The following GMNC variants were observed in gnomAD, a reference collection of about 807,000 sequenced individuals.
GMNC encodes geminin coiled-coil domain-containing protein 1.
Under a neutral mutation model 33.6 loss-of-function variants are expected in GMNC, and 16 were observed. The observed-to-expected ratio is 0.48, with a 90% CI of 0.32 to 0.72. The LOEUF (loss-of-function observed/expected upper bound fraction) is 0.72, where lower values mean the gene tolerates loss of function less well. GMNC is among the 30% of genes least tolerant of loss of function. The pLI is 0.03. For synonymous variants in GMNC, 156 were observed against 147.3 expected (o/e 1.06, Z -0.43); for missense variants, 393 against 388.9 (o/e 1.01, Z -0.09).
intron 4 of GMNC, among the ~76,000 whole-genome samples, chr3:190,856,350 AAT>A (rs920422384): frequency 7.2e-6 from 1 of 138,330 alleles, no homozygotes; most frequent in African/African-American, 2.7e-5. Context: ...AATATTTATT[AAT>A]ATATATTTAT....
chr3:190,857,893 C>G lies in GMNC; in HGVS notation c.274G>C (p.Asp92His), dbSNP rs1737782484. The change falls in exon 4 of 5, where the codon GAT (aspartate) becomes CAT (histidine). Residue 92 changes from aspartate to histidine, a missense_variant. Coordinates refer to ENST00000442080, the MANE Select transcript of GMNC (RefSeq NM_001146686.3). ...SQLYRNKQLQ[D>H]TLVQKEEELA... The stretch of plus-strand genomic sequence containing the variant: ...TCTTCTTCCTTCTGCACCAGGGTAT[C>G]TTGCAGCTACAAAAAGCAGACAGTG... 5 of 1,536,608 alleles carry G rather than the reference C, an allele frequency of 3.3e-6. No homozygotes were observed. The African/African-American group carries it at 6.9e-5, about 21-fold the overall frequency.
At chr3:190,848,583 C>G (rs1560034241), downstream of GMNC, among the ~76,000 whole-genome samples, 1 of 152,196 alleles carries the variant, frequency 6.6e-6, no homozygotes, top group African/African-American at 2.4e-5. Context: ...AAAAATATCT[C>G]TAACTGATTT....
In GMNC at chr3:190,860,714, T is replaced by C; in HGVS notation, c.148A>G (p.Arg50Gly). The change falls in exon 2 of 5, where the codon AGA becomes GGA. Residue 50 changes from arginine (R) to glycine (G), a missense_variant. Transcript: ENST00000442080. ...SFWAAGLLDN[R>G]ELQQAPQAQE... ...GCCTGTGGTGCTTGTTGGAGCTCTC[T>C]GTTGTCCAGGAGACCAGCAGCCCAG... is the stretch of plus-strand genomic sequence containing the variant. 6.4e-7 allele frequency: 1 copy of C among 1,551,308 alleles called. No individual in the cohort carries two copies. Among genetic ancestry groups the C allele is most frequent in the South Asian group, 1.2e-5 (1 of 84,036 alleles).
chr3:190,845,679 T>C, the GMNC span, among the ~76,000 whole-genome samples: 1 of 151,800 alleles, frequency 6.6e-6, no homozygotes, highest in Admixed American at 6.6e-5. Context: ...CTGGCTAATT[T>C]TTGTATTTTT....
At chr3:190,848,178 G>A (rs550863571), downstream of GMNC, among the ~76,000 whole-genome samples, 1 of 152,128 alleles carries the variant, frequency 6.6e-6, no homozygotes, top group African/African-American at 2.4e-5. Context: ...TGACTCTTTT[G>A]GATTTGATAT....
chr3:190,849,289 C>T (rs1330761217), downstream of GMNC, among the ~76,000 whole-genome samples: 1 of 152,168 alleles, frequency 6.6e-6, no homozygotes, highest in Non-Finnish European at 1.5e-5. Flanking sequence ...GGGGTGCACA[C>T]ACGGCTCTAT....
In GMNC at chr3:190,860,675, A is replaced by G. The variant is rs544071700; in HGVS notation, c.178+9T>C. Reference sequence around the variant, plus strand: ...AGATCTATCAGGGAAGCAGAAGAGCAGAACTTACCCTGTGCCTGTGGTGCT... The same window carrying G: ...AGATCTATCAGGGAAGCAGAAGAGCGGAACTTACCCTGTGCCTGTGGTGCT... On this transcript the variant is annotated intron_variant, in intron 2 of 4. Transcript: ENST00000442080. 3 of 1,544,560 alleles carry G rather than the reference A, an allele frequency of 1.9e-6. No individual in the cohort carries two copies. The highest frequency in any genetic ancestry group is 2.4e-5 in the South Asian group (2 of 83,332).
rs1336153245 is a variant in GMNC, at chr3:190,861,445, G to GCCTATCA, written c.4-588_4-587insTGATAGG. Among the ~76,000 whole-genome samples the GCCTATCA allele has an allele frequency of 6.7e-6, 1 of 149,420 alleles. No homozygotes were observed. The highest frequency in any genetic ancestry group is 6.7e-5 in the Admixed American group (1 of 14,816). On this transcript the variant is annotated intron_variant, in intron 1 of 4. Coordinates refer to ENST00000442080, the MANE Select transcript of GMNC (RefSeq NM_001146686.3). The surrounding 1 kb of genome is among the most constrained non-coding windows in gnomAD (Gnocchi z 5.1). ...CATCAATCTATCTGTCTGTCTGTCT[G>GCCTATCA]TCTGCCTATCATCTATCTATCTATC...
At chr3:190,857,748 T>G in intron 4 of GMNC, 35 bp downstream of exon 4, 3 of 1,043,294 alleles carry the variant, frequency 2.9e-6, no homozygotes, top group Non-Finnish European at 4.4e-6. Flanking sequence ...ATCACTGCTT[T>G]GTTCTTATAA....
At chr3:190,847,602 C>T in the GMNC span, among the ~76,000 whole-genome samples, 2 of 152,122 alleles carry the variant, frequency 1.3e-5, no homozygotes, top group Non-Finnish European at 2.9e-5. Context: ...TCTGCTGTCT[C>T]CTCTTTCATT....
downstream of GMNC, among the ~76,000 whole-genome samples, chr3:190,849,416 T>C (rs747451706): frequency 6.6e-6 from 1 of 152,150 alleles, no homozygotes; most frequent in Non-Finnish European, 1.5e-5. Flanking sequence ...TGGCAAATCC[T>C]AGGAGAGCAA....
chr3:190,844,387 TA>T, the GMNC span, among the ~76,000 whole-genome samples: 1 of 151,810 alleles, frequency 6.6e-6, no homozygotes, highest in Non-Finnish European at 1.5e-5. Context: ...ATACACATTT[TA>T]AAATTAAATC....
At chr3:190,858,151 A>G in intron 3 of GMNC, 1 of 400,388 alleles carries the variant, frequency 2.5e-6, no homozygotes, top group Non-Finnish European at 4.5e-6. Context: ...TTAAAATTGT[A>G]ACCACAAGCG....
chr3:190,860,671 GAGC>G lies in GMNC; in HGVS notation c.178+10_178+12del. 1 of 1,543,690 alleles carries G rather than the reference GAGC, an allele frequency of 6.5e-7. No individual in the cohort carries two copies. Among genetic ancestry groups the G allele is most frequent in the Non-Finnish European group, 8.8e-7 (1 of 1,142,238 alleles). ...CTCCAGATCTATCAGGGAAGCAGAA[GAGC>G]AGAACTTACCCTGTGCCTGTGGTGC... On this transcript the variant is annotated intron_variant, in intron 2 of 4. Coordinates refer to ENST00000442080, the MANE Select transcript of GMNC (RefSeq NM_001146686.3).
At chr3:190,856,378 G>T (rs866052631) in intron 4 of GMNC, among the ~76,000 whole-genome samples, 24 of 132,084 alleles carry the variant, frequency 1.8e-4, no homozygotes, top group Non-Finnish European at 2.7e-4. Flanking sequence ...TTTAGAAATA[G>T]ATATATTTAT....
In GMNC at chr3:190,861,480, A is replaced by G. The variant is rs574023795; in HGVS notation, c.4-622T>C. 9.6e-4 allele frequency among the ~76,000 whole-genome samples: 146 copies of G among 151,670 alleles called. No homozygotes were observed. The highest frequency in any genetic ancestry group is 2.5e-3 in the Admixed American group (38 of 15,212). On this transcript the variant is annotated intron_variant, in intron 1 of 4. Coordinates refer to ENST00000442080, the MANE Select transcript of GMNC (RefSeq NM_001146686.3). The surrounding 1 kb of genome is among the most constrained non-coding windows in gnomAD (Gnocchi z 5.1). ...CATCTATCTATCTATCTATCTATCT[A>G]TCTATCTATCTATCTATCTATCTAT... is the stretch of plus-strand genomic sequence containing the variant.
rs1431432823 is a variant in GMNC at position 190,862,563 on chromosome 3, C to A, written c.3+50G>T. ...TCTAAATGCAAAGCTTATTAACTTT[C>A]AGAGACCCAAGTTTGCCAGCGGACT... On this transcript the variant is annotated intron_variant, in intron 1 of 4. Coordinates refer to ENST00000442080, the MANE Select transcript of GMNC (RefSeq NM_001146686.3). This position sits in a 1 kb window ranked among gnomAD's most constrained non-coding sequence, Gnocchi z 4.5. 9.4e-6 allele frequency: 13 copies of A among 1,389,680 alleles called. No individual in the cohort carries two copies. The highest frequency in any genetic ancestry group is 7.1e-5 in the African/African-American group (5 of 69,952). 86.1% of individuals were successfully genotyped at this position (1,389,680 alleles called of 1,614,324 possible).
chr3:190,843,277 G>A, the GMNC span, among the ~76,000 whole-genome samples: 8 of 152,012 alleles, frequency 5.3e-5, no homozygotes, highest in South Asian at 2.1e-4. Context: ...GGGGTTGAAC[G>A]TGTTACAGTA....
downstream of GMNC, among the ~76,000 whole-genome samples, chr3:190,848,748 G>A (rs1423210386): frequency 2.0e-5 from 3 of 152,144 alleles, no homozygotes; most frequent in Non-Finnish European, 4.4e-5. Context: ...CACAAAACTG[G>A]TAAACATATA....
Sources: allele counts gnomAD v4.1 joint callset (sites outside exome capture counted in the v4.1 genomes callset), GRCh38; gene constraint gnomAD v4.1.1; non-coding constraint Gnocchi (gnomAD v3.1); transcripts MANE v1.5; gene names NCBI Gene and HGNC (gene_info 2026-07-23, HGNC 2026-07-21).